The following COX10 variants were observed in gnomAD, a reference collection of about 807,000 sequenced individuals.
COX10 encodes the protein cytochrome c oxidase assembly factor heme A:farnesyltransferase COX10, also known as protoheme IX farnesyltransferase, mitochondrial.
COX10 carries 27 observed loss-of-function variants against 37.3 expected under a neutral mutation model. The observed-to-expected ratio is 0.72, with a 90% CI of 0.53 to 1.00. COX10 has a LOEUF of 1.00. Ranked by LOEUF, COX10 falls within the 50% of genes least tolerant of loss-of-function variation. COX10 has a pLI of 0.00. For missense variants in COX10, 475 were observed against 563.2 expected (o/e 0.84, Z 1.59); for synonymous variants, 222 against 229.1 (o/e 0.97, Z 0.28).
chr17:14,206,304 C>T (rs567167102), intron 6 of COX10, among the ~76,000 whole-genome samples: 1 of 152,292 alleles, frequency 6.6e-6, no homozygotes, highest in African/African-American at 2.4e-5. Flanking sequence ...ACTGCTTCCA[C>T]CTGCCTGAAG....
chr17:14,169,431 G>T (rs1905390368), intron 5 of COX10, among the ~76,000 whole-genome samples: 1 of 152,078 alleles, frequency 6.6e-6, no homozygotes, highest in South Asian at 2.1e-4. Context: ...CCATTACCCA[G>T]CTCCAAAGTT....
intron 3 of COX10, among the ~76,000 whole-genome samples, chr17:14,101,333 A>C (rs190672759): frequency 6.6e-6 from 1 of 152,080 alleles, no homozygotes; most frequent in Admixed American, 6.5e-5. Flanking sequence ...CATCCTCTCT[A>C]GAAAATCCAA....
chr17:14,132,217 A>G (rs1916483091), intron 4 of COX10, among the ~76,000 whole-genome samples: 3 of 151,968 alleles, frequency 2.0e-5, no homozygotes, highest in African/African-American at 7.2e-5. Flanking sequence ...TTATTATATC[A>G]GGAATTTTTG....
chr17:14,170,573 G>C lies in COX10; in HGVS notation c.695+10626G>C, dbSNP rs150093703. On this transcript the variant is annotated intron_variant, in intron 5 of 6. Coordinates refer to ENST00000261643, the MANE Select transcript of COX10 (RefSeq NM_001303.4). Reference sequence around the variant, plus strand: ...TTCACACCTATAATTTCAACAATTTGGGAGGCAAAGGTGGGCAGATCGCTT... The same window carrying C: ...TTCACACCTATAATTTCAACAATTTCGGAGGCAAAGGTGGGCAGATCGCTT... Among the ~76,000 whole-genome samples, 3 of 152,284 alleles carry C rather than the reference G, an allele frequency of 2.0e-5. No homozygotes were observed. In the South Asian group the frequency reaches 6.2e-4, roughly 32 times the overall value.
At position 14,199,849 on chromosome 17, in the gene COX10, T is replaced by C. The variant is rs544928881; in HGVS notation, c.929-6961T>C. On this transcript the variant is annotated intron_variant, in intron 6 of 6. Coordinates refer to ENST00000261643, the MANE Select transcript of COX10 (RefSeq NM_001303.4). ...CCCTCAAAAGAAAGGCTTTGAAATCTGTGACCATGAAGCTCTGGGTTTGGC... is the reference window on the plus strand; with the variant it reads ...CCCTCAAAAGAAAGGCTTTGAAATCCGTGACCATGAAGCTCTGGGTTTGGC... Among the ~76,000 whole-genome samples, 3 of 152,336 alleles carry C rather than the reference T, an allele frequency of 2.0e-5. No homozygotes were observed. In the South Asian group the frequency reaches 6.2e-4, roughly 32 times the overall value.
intron 4 of COX10, among the ~76,000 whole-genome samples, chr17:14,117,883 G>A (rs1916148204): frequency 6.6e-6 from 1 of 152,124 alleles, no homozygotes; most frequent in Non-Finnish European, 1.5e-5. Flanking sequence ...GAGGATGAGT[G>A]CAAGATTTTA....
intron 4 of COX10, among the ~76,000 whole-genome samples, chr17:14,116,452 C>T (rs752341296): frequency 1.1e-4 from 17 of 152,176 alleles, no homozygotes; most frequent in Non-Finnish European, 2.4e-4. Context: ...TCCGCTTAGA[C>T]TTACGCAGGA....
intron 4 of COX10, among the ~76,000 whole-genome samples, chr17:14,151,032 T>G (rs1214492626): frequency 3.3e-5 from 5 of 151,162 alleles, no homozygotes; most frequent in Non-Finnish European, 7.4e-5. Context: ...CTGAAAATGA[T>G]AACATTATGA....
chr17:14,158,205 T>A (rs1367785770), intron 4 of COX10, among the ~76,000 whole-genome samples: 1 of 151,886 alleles, frequency 6.6e-6, no homozygotes, highest in African/African-American at 2.4e-5. Flanking sequence ...TTGGAAAATG[T>A]CATTGTGTTT....
intron 4 of COX10, among the ~76,000 whole-genome samples, chr17:14,153,542 T>C (rs530243001): frequency 6.6e-6 from 1 of 152,352 alleles, no homozygotes; most frequent in Admixed American, 6.5e-5. Flanking sequence ...CTGGTATTTA[T>C]AACCACTTTC....
chr17:14,127,918 A>AGT (rs1183412636), intron 4 of COX10, among the ~76,000 whole-genome samples: 11 of 115,528 alleles, frequency 9.5e-5, no homozygotes, highest in Admixed American at 5.3e-4. Flanking sequence ...AATCTTTAAG[A>AGT]GTGTGTGTAT....
chr17:14,086,387 A>G (rs1295273006), intron 3 of COX10, among the ~76,000 whole-genome samples: 1 of 152,114 alleles, frequency 6.6e-6, no homozygotes, highest in African/African-American at 2.4e-5. Flanking sequence ...ATCATTAACC[A>G]GTGTTTGAAT....
At chr17:14,069,904 GCTT>G (rs912481853) in intron 1 of COX10, among the ~76,000 whole-genome samples, 2 of 152,140 alleles carry the variant, frequency 1.3e-5, no homozygotes, top group African/African-American at 4.8e-5. Context: ...GTGTCTTCCT[GCTT>G]CTTTAGGTTT....
intron 4 of COX10, among the ~76,000 whole-genome samples, chr17:14,106,739 A>G: frequency 6.6e-6 from 1 of 151,892 alleles, no homozygotes; most frequent in Non-Finnish European, 1.5e-5. Flanking sequence ...ACGAGGTGGG[A>G]GTGTGTTTAC....
intron 4 of COX10, among the ~76,000 whole-genome samples, chr17:14,146,149 G>C (rs1904709223): frequency 6.6e-6 from 1 of 151,970 alleles, no homozygotes; most frequent in Non-Finnish European, 1.5e-5. Context: ...AAAAGACCCA[G>C]GATAGCCAAA....
At chr17:14,100,881 G>A (rs2142199160) in intron 3 of COX10, among the ~76,000 whole-genome samples, 1 of 152,232 alleles carries the variant, frequency 6.6e-6, no homozygotes, top group East Asian at 1.9e-4. Flanking sequence ...AGCACTACTG[G>A]CATTTTAGGC....
At chr17:14,113,313 C>A (rs1289940595) in intron 4 of COX10, among the ~76,000 whole-genome samples, 3 of 152,044 alleles carry the variant, frequency 2.0e-5, no homozygotes, top group Non-Finnish European at 2.9e-5. Context: ...GTACTCTGCC[C>A]CCTTGTGCCT....
At chr17:14,101,548 G>A (rs1173108356) in intron 3 of COX10, among the ~76,000 whole-genome samples, 1 of 152,138 alleles carries the variant, frequency 6.6e-6, no homozygotes, top group Non-Finnish European at 1.5e-5. Flanking sequence ...CTTTGATTCT[G>A]TACCTCGCCT....
At chr17:14,139,371 A>G (rs1186980276) in intron 4 of COX10, among the ~76,000 whole-genome samples, 1 of 152,178 alleles carries the variant, frequency 6.6e-6, no homozygotes, top group African/African-American at 2.4e-5. Flanking sequence ...TATCTGTCTA[A>G]TGAATTGTTT....
Sources: allele counts gnomAD v4.1 joint callset (sites outside exome capture counted in the v4.1 genomes callset), GRCh38; gene constraint gnomAD v4.1.1; transcripts MANE v1.5; gene names NCBI Gene and HGNC (gene_info 2026-07-23, HGNC 2026-07-21).